SLC52A2: variants seen among roughly 807,000 people sequenced by gnomAD.
The protein encoded by SLC52A2 is solute carrier family 52 member 2.
In SLC52A2, 16 loss-of-function variants were observed where a neutral mutation model predicts 24.8. That is an observed-to-expected ratio of 0.64 (90% CI 0.44 to 0.98). The LOEUF (loss-of-function observed/expected upper bound fraction) is 0.98, where lower values mean the gene tolerates loss of function less well. Among genes scored for constraint, SLC52A2 ranks in the 50% least tolerant of loss-of-function variants. The probability of loss-of-function intolerance (pLI) is 0.00; values close to 1 mark genes in which losing one functional copy is unlikely to be tolerated. For missense variants in SLC52A2, 612 were observed against 575.9 expected (o/e 1.06, Z -0.64); for synonymous variants, 335 against 276.3 (o/e 1.21, Z -2.11).
rs369154606 is a variant in SLC52A2 at position 144,359,615 on chromosome 8, C to T, written c.131-8C>T. 51 of 1,610,060 alleles carry T rather than the reference C, an allele frequency of 3.2e-5. No individual in the cohort carries two copies. The highest frequency in any genetic ancestry group is 4.0e-5 in the Non-Finnish European group (47 of 1,177,256). On this transcript the variant is annotated splice_region_variant and splice_polypyrimidine_tract_variant and intron_variant, in intron 2 of 4. Coordinates refer to ENST00000643944, the MANE Select transcript of SLC52A2 (RefSeq NM_001363118.2). ...TGACCCTGACATGGCCTCCTCCCTT[C>T]CCTGCAGGTTGGAGCCTCCCCTCTT...
chr8:144,359,085 C>T lies in SLC52A2; in HGVS notation c.-111+20C>T. 1.4e-6 allele frequency: 1 copy of T among 697,376 alleles called. No homozygotes were observed. Among genetic ancestry groups the T allele is most frequent in the Non-Finnish European group, 2.2e-6 (1 of 452,466 alleles). 43.2% of individuals were successfully genotyped at this position (697,376 alleles called of 1,614,324 possible). Reference sequence around the variant, plus strand: ...CGCTGGGTACGTTTTAGCCAATCCTCCCCATCTGCGCTCCTGCCCGGGGCT... The same window carrying T: ...CGCTGGGTACGTTTTAGCCAATCCTTCCCATCTGCGCTCCTGCCCGGGGCT... On this transcript the variant is annotated intron_variant, in intron 1 of 4. Coordinates refer to ENST00000643944, the MANE Select transcript of SLC52A2 (RefSeq NM_001363118.2).
chr8:144,361,094 C>G lies in SLC52A2; in HGVS notation c.*79C>G. 2.1e-6 allele frequency: 3 copies of G among 1,421,198 alleles called. No homozygotes were observed. The highest frequency in any genetic ancestry group is 2.9e-6 in the Non-Finnish European group (3 of 1,022,106). The allele number at this position is 1,421,198 out of a possible 1,614,324, so 88.0% of individuals were successfully genotyped here. On this transcript the variant is annotated 3_prime_UTR_variant, in exon 5 of 5. Transcript: ENST00000643944. The stretch of plus-strand genomic sequence containing the variant: ...CCACCATGCCTGAGTGCCTGCAGCC[C>G]AGGAGGCCCGCACACCGGTACACTC...
chr8:144,360,759 G>T (rs1818829758), intron 4 of SLC52A2, 44 bp from the exon 5 acceptor site: 1 of 1,606,876 alleles, frequency 6.2e-7, no homozygotes, highest in Non-Finnish European at 8.5e-7. Context: ...CGTTGCCCTG[G>T]AGCAGGCACA....
In SLC52A2 at chr8:144,360,500, A is replaced by G; in HGVS notation, c.1001+7A>G. Reference sequence around the variant, plus strand: ...CCATGGGTGTGCTGTGCAGGTACACAAGGACCCCCAGCCCCTGTGCGGGTG... The same window carrying G: ...CCATGGGTGTGCTGTGCAGGTACACGAGGACCCCCAGCCCCTGTGCGGGTG... On this transcript the variant is annotated splice_region_variant and intron_variant, in intron 3 of 4. Coordinates refer to ENST00000643944, the MANE Select transcript of SLC52A2 (RefSeq NM_001363118.2). The G allele has an allele frequency of 1.3e-6, 2 of 1,591,732 alleles. No homozygotes were observed. The highest frequency in any genetic ancestry group is 2.2e-5 in the East Asian group (1 of 44,654).
rs1157634743 is a variant in SLC52A2, at chr8:144,360,728, A to C, written c.1125+15A>C. On this transcript the variant is annotated intron_variant, in intron 4 of 4. Coordinates refer to ENST00000643944, the MANE Select transcript of SLC52A2 (RefSeq NM_001363118.2). ...TGGTCCTCGTGGTGAGCACAGGGGG[A>C]CATGAAGTGGGGTGGGGGGGCGTTG... is the stretch of plus-strand genomic sequence containing the variant. 5 of 1,598,242 alleles carry C rather than the reference A, an allele frequency of 3.1e-6. No individual in the cohort carries two copies. The highest frequency in any genetic ancestry group is 4.3e-6 in the Non-Finnish European group (5 of 1,171,990).
In SLC52A2 at chr8:144,359,838, G is replaced by A. The variant is rs1554853918; in HGVS notation, c.346G>A (p.Ala116Thr). 2.5e-6 allele frequency: 4 copies of A among 1,613,690 alleles called. No homozygotes were observed. The highest frequency in any genetic ancestry group is 4.5e-5 in the East Asian group (2 of 44,880). The change falls in exon 3 of 5, where the codon GCA becomes ACA. Residue 116 changes from alanine to threonine, a missense_variant. By Grantham distance (58) the Ala-to-Thr change is moderately conservative (BLOSUM62 0). Coordinates refer to ENST00000643944, the MANE Select transcript of SLC52A2 (RefSeq NM_001363118.2). ...AGQLHSVAFLALAFVLALACC... is the reference protein window; with the variant it reads ...AGQLHSVAFLTLAFVLALACC... Reference sequence around the variant, plus strand: ...ACAGTTGCATTCTGTGGCCTTCTTAGCACTGGCCTTTGTGCTGGCACTGGC... The same window carrying A: ...ACAGTTGCATTCTGTGGCCTTCTTAACACTGGCCTTTGTGCTGGCACTGGC...
At position 144,359,019 on chromosome 8, in the gene SLC52A2, G is replaced by C. The variant is rs1564653200; in HGVS notation, c.-157G>C. Reference sequence around the variant, plus strand: ...CGGCCTCCTCCCCTGGGGCCGCAGCGACTCGGGCCGGCTTCCTGCTTCCCT... The same window carrying C: ...CGGCCTCCTCCCCTGGGGCCGCAGCCACTCGGGCCGGCTTCCTGCTTCCCT... On this transcript the variant is annotated 5_prime_UTR_variant, in exon 1 of 5. Transcript: ENST00000643944. The C allele has an allele frequency of 2.4e-6, 1 of 409,516 alleles. No homozygotes were observed. Among genetic ancestry groups the C allele is most frequent in the Non-Finnish European group, 4.3e-6 (1 of 229,910 alleles). 25.4% of individuals were successfully genotyped at this position (409,516 alleles called of 1,614,324 possible). A position where few individuals can be genotyped will look rare whatever the true frequency, so the allele number is the denominator to read the frequency against.
At chr8:144,358,593 G>T, upstream of SLC52A2, 1 of 1,084,030 alleles carries the variant, frequency 9.2e-7, no homozygotes, top group Non-Finnish European at 1.2e-6. Flanking sequence ...GCCGGGGGCG[G>T]GCCCGGAACC....
chr8:144,360,067 C>A lies in SLC52A2; in HGVS notation c.575C>A (p.Pro192His). The A allele has an allele frequency of 6.2e-7, 1 of 1,613,030 alleles. No individual in the cohort carries two copies. The highest frequency in any genetic ancestry group is 1.1e-5 in the South Asian group (1 of 91,092). Residue 192 changes from proline (P) to histidine (H), a missense_variant, in exon 3 of 5, where the codon CCC (proline) becomes CAC (histidine). Physicochemically the swap from Pro to His is moderately conservative, Grantham distance 77. Coordinates refer to ENST00000643944, the MANE Select transcript of SLC52A2 (RefSeq NM_001363118.2). ...GPPLDFLERF[P>H]ASTFFWALTA... ...CCGCTCGACTTCCTTGAGCGTTTTC[C>A]CGCCAGCACCTTCTTCTGGGCACTG...
At position 144,360,481 on chromosome 8, in the gene SLC52A2, G is replaced by T. The variant is rs782177542; in HGVS notation, c.989G>T (p.Gly330Val). 6.2e-7 allele frequency: 1 copy of T among 1,600,452 alleles called. No homozygotes were observed. Among genetic ancestry groups the T allele is most frequent in the East Asian group, 2.2e-5 (1 of 44,828 alleles). The change falls in exon 3 of 5, where the codon GGT becomes GTT. Residue 330 changes from glycine to valine, a missense_variant. Coordinates refer to ENST00000643944, the MANE Select transcript of SLC52A2 (RefSeq NM_001363118.2). ...CCCCTGGCCTGCTTCCTGGCCATGG[G>T]TGTGCTGTGCAGGTACACAAGGACC... ...ANPLACFLAM[G>V]VLCRSLAGLG...
rs1554854139 is a variant in SLC52A2 at position 144,360,185 on chromosome 8, A to C, written c.693A>C (p.Ser231=). The C allele has an allele frequency of 1.2e-6, 2 of 1,612,834 alleles. No individual in the cohort carries two copies. The highest frequency in any genetic ancestry group is 2.2e-5 in the South Asian group (2 of 91,082). Residue 231 remains serine (S), a synonymous_variant, in exon 3 of 5, where the codon TCA becomes TCC. Transcript: ENST00000643944. ...CTGTACCCACAGGGGAGTTAGGATC[A>C]GGCCTCCAGGTGGGAGCCCCAGGAG... ...PPSVPTGELG[S]GLQVGAPGAE... is the part of the protein sequence containing the mutation.
chr8:144,361,205 G>A lies in SLC52A2; in HGVS notation c.*190G>A, dbSNP rs1818876500. On this transcript the variant is annotated 3_prime_UTR_variant, in exon 5 of 5. Coordinates refer to ENST00000643944, the MANE Select transcript of SLC52A2 (RefSeq NM_001363118.2). Reference sequence around the variant, plus strand: ...CAGGCTTGGAGCCAGGGACCAGTGGGGGCTGTAGGGTAAGCCCCTGAGCCT... The same window carrying A: ...CAGGCTTGGAGCCAGGGACCAGTGGAGGCTGTAGGGTAAGCCCCTGAGCCT... The A allele has an allele frequency of 6.6e-6, 4 of 608,600 alleles. No homozygotes were observed. The highest frequency in any genetic ancestry group is 3.7e-4 in the Middle Eastern group (1 of 2,706). The allele number at this position is 608,600 out of a possible 1,614,324, so 37.7% of individuals were successfully genotyped here.
intron 4 of SLC52A2, 30 bp downstream of exon 4, chr8:144,360,743 G>T: frequency 6.2e-7 from 1 of 1,603,770 alleles, no homozygotes; most frequent in Middle Eastern, 1.7e-4. Flanking sequence ...AAGTGGGGTG[G>T]GGGGGCGTTG....
intron 1 of SLC52A2, 57 bp downstream of exon 1, chr8:144,359,122 C>T: frequency 9.7e-7 from 1 of 1,032,338 alleles, no homozygotes; most frequent in Non-Finnish European, 1.3e-6. Flanking sequence ...CCCCAGTTCC[C>T]CTGGTCTCAC....
At chr8:144,359,136 G>C in intron 1 of SLC52A2, 48 bp from the exon 2 acceptor site, 1 of 1,199,144 alleles carries the variant, frequency 8.3e-7, no homozygotes. Context: ...GTCTCACCCT[G>C]TTCTGACTCC....
rs146256291 is a variant in SLC52A2, at chr8:144,359,801, C to T, written c.309C>T (p.Ala103=). The T allele has an allele frequency of 1.6e-4, 258 of 1,613,716 alleles. 1 individual carries two copies. In the East Asian group the frequency reaches 5.3e-3, roughly 33 times the overall value. ...ALLASLWHHV[A]PVAGQLHSVA... ...TGGCCTCTCTGTGGCACCATGTGGCCCCAGTGGCAGGACAGTTGCATTCTG... is the reference window on the plus strand; with the variant it reads ...TGGCCTCTCTGTGGCACCATGTGGCTCCAGTGGCAGGACAGTTGCATTCTG... Residue 103 remains alanine, a synonymous_variant, in exon 3 of 5, where the codon GCC becomes GCT. Coordinates refer to ENST00000643944, the MANE Select transcript of SLC52A2 (RefSeq NM_001363118.2).
Position 144,360,796 on chromosome 8 carries a change from C to T in SLC52A2, c.1126-7C>T. ...CTCACGCTCAGCTGGTGCTGTGTCC[C>T]CCTCAGGTGCTGTCGTGGGTGCTGT... is the stretch of plus-strand genomic sequence containing the variant. On this transcript the variant is annotated splice_polypyrimidine_tract_variant and splice_region_variant and intron_variant, in intron 4 of 4. Coordinates refer to ENST00000643944, the MANE Select transcript of SLC52A2 (RefSeq NM_001363118.2). The T allele has an allele frequency of 1.2e-6, 2 of 1,611,766 alleles. No homozygotes were observed. The highest frequency in any genetic ancestry group is 1.7e-6 in the Non-Finnish European group (2 of 1,178,708).
Position 144,360,842 on chromosome 8 carries a change from G to A in SLC52A2, c.1165G>A (p.Val389Met), listed in dbSNP as rs782200719. 5.6e-6 allele frequency: 9 copies of A among 1,613,314 alleles called. No individual in the cohort carries two copies. Among genetic ancestry groups the A allele is most frequent in the East Asian group, 2.2e-5 (1 of 44,886 alleles). Reference protein sequence around the residue: ...WVLCLGVFSYVKVAASSLLHG... With the variant: ...WVLCLGVFSYMKVAASSLLHG... Reference sequence around the variant, plus strand: ...GCTGTGTCTTGGCGTGTTCTCCTACGTGAAGGTGGCAGCCAGCTCCCTGCT... The same window carrying A: ...GCTGTGTCTTGGCGTGTTCTCCTACATGAAGGTGGCAGCCAGCTCCCTGCT... Residue 389 changes from valine to methionine, a missense_variant, in exon 5 of 5, where the codon GTG becomes ATG. Val to Met is a conservative substitution (Grantham distance 21). Transcript: ENST00000643944.
At position 144,360,237 on chromosome 8, in the gene SLC52A2, C is replaced by T; in HGVS notation, c.745C>T (p.Pro249Ser). 1.2e-6 allele frequency: 2 copies of T among 1,612,702 alleles called. No homozygotes were observed. Among genetic ancestry groups the T allele is most frequent in the East Asian group, 2.2e-5 (1 of 44,888 alleles). Residue 249 changes from proline to serine, a missense_variant, in exon 3 of 5, where the codon CCA becomes TCA. Coordinates refer to ENST00000643944, the MANE Select transcript of SLC52A2 (RefSeq NM_001363118.2). ...AGAGGAAGAGGTGGAAGAGTCCTCA[C>T]CACTGCAAGAGCCACCAAGCCAGGC... Reference protein sequence around the residue: ...GAEEEVEESSPLQEPPSQAAG... With the variant: ...GAEEEVEESSSLQEPPSQAAG...
Sources: allele counts gnomAD v4.1 joint callset, GRCh38; gene constraint gnomAD v4.1.1; transcripts MANE v1.5; gene names NCBI Gene and HGNC (gene_info 2026-07-23, HGNC 2026-07-21).